The following LURAP1L variants were observed in gnomAD, a reference collection of about 807,000 sequenced individuals.
LURAP1L encodes leucine rich adaptor protein 1-like.
LURAP1L carries 12 observed loss-of-function variants against 13.8 expected under a neutral mutation model. That is an observed-to-expected ratio of 0.87 (90% confidence interval 0.56 to 1.41). The LOEUF is 1.41. Ranked by LOEUF, LURAP1L falls within the 40% of genes most tolerant of loss-of-function variation. The pLI is 0.00. For synonymous variants in LURAP1L, 139 were observed against 119.2 expected (o/e 1.17, Z -1.08); for missense variants, 375 against 292.9 (o/e 1.28, Z -2.04).
intron 1 of LURAP1L, among the ~76,000 whole-genome samples, chr9:12,800,154 C>A (rs189180091): frequency 6.6e-6 from 1 of 152,146 alleles, no homozygotes; most frequent in Non-Finnish European, 1.5e-5. Flanking sequence ...AGAGCTGCAA[C>A]TTTGTACCCT....
At chr9:12,788,167 G>GAAAGAAAGAAAGAAAGAAAGAAAGAAAA in intron 1 of LURAP1L, among the ~76,000 whole-genome samples, 1 of 145,618 alleles carries the variant, frequency 6.9e-6, no homozygotes, top group African/African-American at 2.6e-5. Flanking sequence ...AAGAAAGAAA[G>GAAAGAAAGAAAGAAAGAAAGAAAGAAAA]AAAGAAAGAA....
At chr9:12,808,775 A>G (rs1819696587) in intron 1 of LURAP1L, among the ~76,000 whole-genome samples, 1 of 152,130 alleles carries the variant, frequency 6.6e-6, no homozygotes, top group South Asian at 2.1e-4. Flanking sequence ...ATTTTGGGAC[A>G]TTCTCAGTAA....
intron 1 of LURAP1L, among the ~76,000 whole-genome samples, chr9:12,786,752 C>G (rs1819361881): frequency 6.6e-6 from 1 of 151,160 alleles, no homozygotes; most frequent in South Asian, 2.1e-4. Flanking sequence ...CATAATATCT[C>G]TCAAATAGGC....
Position 12,821,374 on chromosome 9 carries a change from CT to C in LURAP1L, c.313-9del. ...AATGGCTGGAATATCTTTCTTCTCT[CT>C]TTGTCCATAGGTTAACCTCAGAGCC... is the stretch of plus-strand genomic sequence containing the variant. On this transcript the variant is annotated splice_polypyrimidine_tract_variant and intron_variant, in intron 1 of 1. Transcript: ENST00000319264. 6.2e-7 allele frequency: 1 copy of C among 1,601,792 alleles called. No individual in the cohort carries two copies.
intron 1 of LURAP1L, among the ~76,000 whole-genome samples, chr9:12,785,110 G>A (rs1284340524): frequency 6.6e-6 from 1 of 151,938 alleles, no homozygotes; most frequent in Non-Finnish European, 1.5e-5. Flanking sequence ...CTCCCTTCAG[G>A]GCAGCGGGTT....
At chr9:12,801,147 G>A (rs1241059791) in intron 1 of LURAP1L, among the ~76,000 whole-genome samples, 1 of 152,086 alleles carries the variant, frequency 6.6e-6, no homozygotes, top group Non-Finnish European at 1.5e-5. Flanking sequence ...CCAGTGAGTT[G>A]TATAAGCAGA....
In LURAP1L at chr9:12,821,804, T is replaced by A; in HGVS notation, c.*44T>A. 1 of 1,560,348 alleles carries A rather than the reference T, an allele frequency of 6.4e-7. No individual in the cohort carries two copies. Among genetic ancestry groups the A allele is most frequent in the Non-Finnish European group, 8.7e-7 (1 of 1,152,072 alleles). On this transcript the variant is annotated 3_prime_UTR_variant, in exon 2 of 2. Coordinates refer to ENST00000319264, the MANE Select transcript of LURAP1L (RefSeq NM_203403.2). ...GACTGGTGTGCAATGAACTTGTATT[T>A]ATCCTTCTTCTCCGCTGCTATATTT...
chr9:12,778,024 C>A (rs1044229160), intron 1 of LURAP1L, among the ~76,000 whole-genome samples: 3 of 152,120 alleles, frequency 2.0e-5, no homozygotes, highest in Admixed American at 1.3e-4. Context: ...TTTTGAGACA[C>A]AATTTCTGAA....
chr9:12,795,664 G>A (rs552885941), intron 1 of LURAP1L, among the ~76,000 whole-genome samples: 4 of 152,094 alleles, frequency 2.6e-5, no homozygotes, highest in South Asian at 2.1e-4. Flanking sequence ...GTTTGAACAC[G>A]GTTTGAAAGG....
At position 12,779,048 on chromosome 9, in the gene LURAP1L, A is replaced by G. The variant is rs112686197; in HGVS notation, c.312+3021A>G. Among the ~76,000 whole-genome samples, 835 of 152,228 alleles carry G rather than the reference A, an allele frequency of 5.5e-3. 10 individuals carry two copies. Among genetic ancestry groups the G allele is most frequent in the African/African-American group, 0.018 (752 of 41,544 alleles). ...AACTAACAATAAAATAAAACAGTGT[A>G]TTGCTATGTGAATGTCTCTCTCTCT... On this transcript the variant is annotated intron_variant, in intron 1 of 1. Coordinates refer to ENST00000319264, the MANE Select transcript of LURAP1L (RefSeq NM_203403.2).
At chr9:12,785,810 A>T (rs186141675) in intron 1 of LURAP1L, among the ~76,000 whole-genome samples, 156 of 152,256 alleles carry the variant, frequency 1.0e-3, no homozygotes, top group African/African-American at 3.6e-3. Flanking sequence ...CCTTGATATG[A>T]TGTTAAAACC....
chr9:12,799,763 A>C (rs1480657443), intron 1 of LURAP1L, among the ~76,000 whole-genome samples: 5 of 151,718 alleles, frequency 3.3e-5, no homozygotes, highest in African/African-American at 9.7e-5. Flanking sequence ...AGCCCCAGCT[A>C]CTTGGGAGGC....
intron 1 of LURAP1L, among the ~76,000 whole-genome samples, chr9:12,796,791 T>G (rs1319181258): frequency 6.6e-6 from 1 of 152,034 alleles, no homozygotes; most frequent in African/African-American, 2.4e-5. Context: ...CAAGTAAATC[T>G]AGGCCTGAAT....
At chr9:12,786,707 G>T (rs888193120) in intron 1 of LURAP1L, among the ~76,000 whole-genome samples, 1 of 150,988 alleles carries the variant, frequency 6.6e-6, no homozygotes, top group Admixed American at 6.6e-5. Flanking sequence ...TTAGAGATCA[G>T]ACATCATCAG....
intron 1 of LURAP1L, chr9:12,777,522 A>G (rs10756413): frequency 0.88 from 861,578 of 982,522 alleles, 378,609 homozygotes; most frequent in Non-Finnish European, 0.89. Context: ...CTGTAATTTT[A>G]CCCATGGAAT....
intron 1 of LURAP1L, among the ~76,000 whole-genome samples, chr9:12,816,977 G>A (rs1819813102): frequency 6.6e-6 from 1 of 152,166 alleles, no homozygotes; most frequent in Admixed American, 6.5e-5. Flanking sequence ...TTTGCCAAGT[G>A]TTTACAGAAC....
intron 1 of LURAP1L, among the ~76,000 whole-genome samples, chr9:12,793,598 A>G (rs1376175796): frequency 6.6e-6 from 1 of 152,078 alleles, no homozygotes; most frequent in Non-Finnish European, 1.5e-5. Flanking sequence ...CAGTGAAGCA[A>G]TTGACTATTT....
chr9:12,803,943 G>C (rs1342961738), intron 1 of LURAP1L, among the ~76,000 whole-genome samples: 1 of 152,118 alleles, frequency 6.6e-6, no homozygotes, highest in African/African-American at 2.4e-5. Context: ...TCAATACTTG[G>C]TATATGCTGA....
chr9:12,807,524 T>A (rs1029323533), intron 1 of LURAP1L, among the ~76,000 whole-genome samples: 7 of 152,112 alleles, frequency 4.6e-5, no homozygotes, highest in African/African-American at 1.7e-4. Flanking sequence ...GTCCTCTGAG[T>A]CTCATTTTCC....
Sources: allele counts gnomAD v4.1 joint callset (sites outside exome capture counted in the v4.1 genomes callset), GRCh38; gene constraint gnomAD v4.1.1; transcripts MANE v1.5; gene names NCBI Gene and HGNC (gene_info 2026-07-23, HGNC 2026-07-21).